Variants in CFAP54 observed in about 807,000 individuals in gnomAD.
CFAP54 encodes cilia- and flagella-associated protein 54.
In CFAP54, 290 loss-of-function variants were observed where a neutral mutation model predicts 370.4. That is an observed-to-expected ratio of 0.78 (90% CI 0.71 to 0.86). The LOEUF is 0.86. CFAP54 is among the 40% of genes least tolerant of loss of function. The pLI is 0.00. For synonymous variants in CFAP54, 1,206 were observed against 1,236.5 expected (o/e 0.98, Z 0.52); for missense variants, 3,399 against 3,528.7 (o/e 0.96, Z 0.93).
At chr12:96,770,018 T>C (rs544415470) in intron 60 of CFAP54, among the ~76,000 whole-genome samples, 1 of 152,232 alleles carries the variant, frequency 6.6e-6, no homozygotes, top group Non-Finnish European at 1.5e-5. Context: ...AACAACTAAT[T>C]AAAAAGTGGG....
At chr12:96,789,213 A>C (rs147410342) in intron 62 of CFAP54, among the ~76,000 whole-genome samples, 15 of 152,308 alleles carry the variant, frequency 9.8e-5, no homozygotes, top group African/African-American at 3.6e-4. Context: ...TTTTACTCCC[A>C]GGAAGAAAGC....
chr12:96,512,911 G>A, intron 4 of CFAP54, 75 bp from the exon 5 acceptor site: 1 of 979,570 alleles, frequency 1.0e-6, no homozygotes, highest in Non-Finnish European at 1.5e-6. Context: ...CTACAGACTT[G>A]AACCACAGAA....
intron 32 of CFAP54, among the ~76,000 whole-genome samples, chr12:96,641,137 G>A (rs1956723154): frequency 6.6e-6 from 1 of 152,126 alleles, no homozygotes; most frequent in Admixed American, 6.6e-5. Flanking sequence ...AGAGTGAACA[G>A]GCAACCTACA....
chr12:96,546,153 CA>C (rs780690127), intron 14 of CFAP54, among the ~76,000 whole-genome samples: 18 of 152,150 alleles, frequency 1.2e-4, no homozygotes, highest in Non-Finnish European at 2.4e-4. Context: ...GTGGGGAAAA[CA>C]GCAGTCTTAT....
intron 26 of CFAP54, among the ~76,000 whole-genome samples, chr12:96,612,153 C>T (rs1956365381): frequency 6.6e-6 from 1 of 152,134 alleles, no homozygotes; most frequent in African/African-American, 2.4e-5. Context: ...GTAGGGTTAC[C>T]CACAAAGGGA....
chr12:96,709,848 G>A (rs1223274516), intron 48 of CFAP54, among the ~76,000 whole-genome samples: 1 of 151,930 alleles, frequency 6.6e-6, no homozygotes, highest in Non-Finnish European at 1.5e-5. Flanking sequence ...AGCCTCCCAA[G>A]TAATTGGGAC....
At chr12:96,540,051 A>G (rs1955553305) in intron 13 of CFAP54, 1 of 152,202 alleles carries the variant, frequency 6.6e-6, no homozygotes, top group Non-Finnish European at 1.5e-5. Context: ...AAAATGTGAT[A>G]GTTGGTTTTA....
chr12:96,739,177 T>C (rs7301216), intron 50 of CFAP54, among the ~76,000 whole-genome samples: 2,282 of 152,208 alleles, frequency 0.015, 71 homozygotes, highest in African/African-American at 0.053. Flanking sequence ...CCAGTTTTTT[T>C]TTAATGTGTG....
At chr12:96,560,879 T>C (rs1955807369) in intron 17 of CFAP54, among the ~76,000 whole-genome samples, 1 of 152,206 alleles carries the variant, frequency 6.6e-6, no homozygotes, top group Admixed American at 6.5e-5. Context: ...ATTATTACAG[T>C]GGTTGTACGT....
At chr12:96,691,438 G>A in intron 44 of CFAP54, 128 bp downstream of exon 44, 2 of 552,604 alleles carry the variant, frequency 3.6e-6, no homozygotes, top group Non-Finnish European at 6.0e-6. Context: ...TATATATGTG[G>A]GATTCTTACT....
chr12:96,846,271 T>C (rs977426443), intron 66 of CFAP54, among the ~76,000 whole-genome samples: 10 of 152,222 alleles, frequency 6.6e-5, no homozygotes, highest in Non-Finnish European at 1.0e-4. Flanking sequence ...TTCCTTCCAC[T>C]TTTCCTTCCA....
At chr12:96,638,681 C>T (rs1210791354) in intron 32 of CFAP54, among the ~76,000 whole-genome samples, 1 of 152,004 alleles carries the variant, frequency 6.6e-6, no homozygotes, top group African/African-American at 2.4e-5. Flanking sequence ...TTTGAAGCTA[C>T]CGGAAATGAT....
chr12:96,500,018 TTA>T (rs1382491778), intron 1 of CFAP54, among the ~76,000 whole-genome samples: 1 of 152,008 alleles, frequency 6.6e-6, no homozygotes, highest in African/African-American at 2.4e-5. Context: ...TCTAGCAGCC[TTA>T]TTCATAATTG....
chr12:96,505,264 A>G lies in CFAP54; in HGVS notation c.567+1235A>G, dbSNP rs530810224. 2.6e-5 allele frequency among the ~76,000 whole-genome samples: 4 copies of G among 151,756 alleles called. No homozygotes were observed. In the South Asian group the frequency reaches 8.3e-4, roughly 32 times the overall value. On this transcript the variant is annotated intron_variant, in intron 3 of 67. Coordinates refer to ENST00000524981, the MANE Select transcript of CFAP54 (RefSeq NM_001306084.2). ...TTTTTAGTAGAGATGGGGTTTCACC[A>G]TGTCGGTCAGGGTGGTCTCAAACTC... is the stretch of plus-strand genomic sequence containing the variant.
chr12:96,823,401 A>G (rs770962463), intron 65 of CFAP54, among the ~76,000 whole-genome samples: 1 of 152,184 alleles, frequency 6.6e-6, no homozygotes, highest in Non-Finnish European at 1.5e-5. Context: ...TGCTTCCTTA[A>G]TAGTTTGTGA....
chr12:96,794,622 G>C (rs1287475267), intron 63 of CFAP54, among the ~76,000 whole-genome samples: 2 of 151,942 alleles, frequency 1.3e-5, no homozygotes, highest in Non-Finnish European at 2.9e-5. Context: ...CTATTTCTCT[G>C]AAGATTTTTC....
At chr12:96,639,225 A>G (rs1473739336) in intron 32 of CFAP54, among the ~76,000 whole-genome samples, 1 of 152,214 alleles carries the variant, frequency 6.6e-6, no homozygotes, top group African/African-American at 2.4e-5. Context: ...AAATGGACGC[A>G]ATAAAAAATG....
intron 20 of CFAP54, among the ~76,000 whole-genome samples, chr12:96,580,018 T>C (rs917886826): frequency 2.0e-5 from 3 of 151,812 alleles, no homozygotes; most frequent in African/African-American, 7.2e-5. Flanking sequence ...ACTGCTGTTC[T>C]TATTTAGGGG....
At chr12:96,809,363 C>T (rs1447421513) in intron 63 of CFAP54, among the ~76,000 whole-genome samples, 6 of 151,914 alleles carry the variant, frequency 3.9e-5, no homozygotes, top group African/African-American at 1.2e-4. Context: ...CTATTATCTA[C>T]GTTTTTAAAT....
Sources: allele counts gnomAD v4.1 joint callset (sites outside exome capture counted in the v4.1 genomes callset), GRCh38; gene constraint gnomAD v4.1.1; transcripts MANE v1.5; gene names NCBI Gene and HGNC (gene_info 2026-07-23, HGNC 2026-07-21).